ARHGEF5: variants seen among roughly 807,000 people sequenced by gnomAD.
The protein encoded by ARHGEF5 is Rho guanine nucleotide exchange factor (GEF) 5.
In ARHGEF5, 11 loss-of-function variants were observed where a neutral mutation model predicts 104.0. The observed-to-expected ratio is 0.11, with a 90% CI of 0.07 to 0.18. ARHGEF5 has a LOEUF of 0.18. Among genes scored for constraint, ARHGEF5 ranks in the 10% least tolerant of loss-of-function variants. The pLI is 1.00. For missense variants in ARHGEF5, 165 were observed against 1,335.4 expected (o/e 0.12, Z 13.66); for synonymous variants, 60 against 512.2 (o/e 0.12, Z 11.92).
Position 144,363,950 on chromosome 7 carries a change from T to G in ARHGEF5, c.1281T>G (p.Tyr427Ter), listed in dbSNP as rs1156516036. The G allele has an allele frequency of 2.1e-6, 3 of 1,401,106 alleles. No homozygotes were observed. The highest frequency in any genetic ancestry group is 2.4e-5 in the South Asian group (2 of 83,134). 86.8% of individuals were successfully genotyped at this position (1,401,106 alleles called of 1,614,324 possible). A position where few individuals can be genotyped will look rare whatever the true frequency, so the allele number is the denominator to read the frequency against. ...GTGACCTGTTTCCAGGTGCCTCATATCTCATGACTCAGATTCCCGGGACTC... is the reference window on the plus strand; with the variant it reads ...GTGACCTGTTTCCAGGTGCCTCATAGCTCATGACTCAGATTCCCGGGACTC... The part of the protein sequence containing the change: ...PHCDLFPGAS[Y>*]LMTQIPGTQT... Residue 427 changes from tyrosine to a stop codon, truncating the protein, a stop_gained, in exon 2 of 15, where the codon TAT becomes TAG. Transcript: ENST00000056217. LOFTEE classifies it high-confidence loss of function.
At chr7:144,357,623 T>C (rs2053606620) in intron 1 of ARHGEF5, among the ~76,000 whole-genome samples, 2 of 150,558 alleles carry the variant, frequency 1.3e-5, no homozygotes, top group Non-Finnish European at 3.0e-5. Context: ...TATATGGCAC[T>C]GAGTCTCAGT....
Position 144,380,610 on chromosome 7 carries a change from T to C in ARHGEF5, c.*554T>C, listed in dbSNP as rs1170960955. On this transcript the variant is annotated 3_prime_UTR_variant, in exon 15 of 15. Transcript: ENST00000056217. ...TGAGGGTGATACTCTCTCACTCTAA[T>C]AAACTTGGCACTTCTCCGAGTATTT... is the stretch of plus-strand genomic sequence containing the variant. 6.6e-6 allele frequency: 1 copy of C among 152,586 alleles called. No individual in the cohort carries two copies. The highest frequency in any genetic ancestry group is 6.5e-5 in the Admixed American group (1 of 15,330). The allele number at this position is 152,586 out of a possible 1,614,324, so 9.5% of individuals were successfully genotyped here.
intron 14 of ARHGEF5, among the ~76,000 whole-genome samples, 164 bp downstream of exon 14, chr7:144,379,030 C>T (rs1374596714): frequency 6.6e-6 from 1 of 152,178 alleles, no homozygotes; most frequent in African/African-American, 2.4e-5. Context: ...AGTCCCAAAT[C>T]AAGGTGTGGG....
intron 13 of ARHGEF5, among the ~76,000 whole-genome samples, chr7:144,377,618 G>C (rs1456845860): frequency 3.3e-5 from 5 of 152,098 alleles, no homozygotes; most frequent in Non-Finnish European, 7.4e-5. Flanking sequence ...CCAGGCTTCT[G>C]GGTGCCCATG....
intron 1 of ARHGEF5, among the ~76,000 whole-genome samples, chr7:144,358,743 T>TTGTAAGGA: frequency 1.8e-5 from 1 of 56,700 alleles, no homozygotes; most frequent in Non-Finnish European, 3.3e-5. Context: ...TTGCAAGAGT[T>TTGTAAGGA]TGTAAGGATG....
chr7:144,380,235 GT>G lies in ARHGEF5; in HGVS notation c.*180del. On this transcript the variant is annotated 3_prime_UTR_variant, in exon 15 of 15. Coordinates refer to ENST00000056217, the MANE Select transcript of ARHGEF5 (RefSeq NM_005435.4). ...GGCCTCCTTTCGTGCTTTGTGCTTG[GT>G]GGGGGGGATTTCGAGGGACTTTGCA... 1 of 729,728 alleles carries G rather than the reference GT, an allele frequency of 1.4e-6. No homozygotes were observed. Among genetic ancestry groups the G allele is most frequent in the Non-Finnish European group, 2.2e-6 (1 of 463,916 alleles). 45.2% of individuals were successfully genotyped at this position (729,728 alleles called of 1,614,324 possible).
intron 14 of ARHGEF5, among the ~76,000 whole-genome samples, chr7:144,379,507 G>T (rs2053785112): frequency 1.3e-5 from 2 of 152,180 alleles, no homozygotes; most frequent in South Asian, 4.1e-4. Flanking sequence ...ACCACGCCCA[G>T]CCCAAGTTTT....
intron 14 of ARHGEF5, 75 bp from the exon 15 acceptor site, chr7:144,379,824 C>G: frequency 6.3e-7 from 1 of 1,579,484 alleles, no homozygotes. Context: ...TCAGAAAACT[C>G]TCCAGGAAGG....
Position 144,363,352 on chromosome 7 carries a change from A to C in ARHGEF5, c.683A>C (p.Gln228Pro). The change falls in exon 2 of 15, where the codon CAA (glutamine) becomes CCA (proline). Residue 228 changes from glutamine to proline, a missense_variant. By Grantham distance (76) the Gln-to-Pro change is moderately conservative. Coordinates refer to ENST00000056217, the MANE Select transcript of ARHGEF5 (RefSeq NM_005435.4). The part of the protein sequence containing the change: ...SQGLLHPQEV[Q>P]VLEEQGQQEA... ...GGGCTCTTGCATCCCCAGGAGGTCC[A>C]AGTTCTGGAGGAGCAGGGACAGCAG... The C allele has an allele frequency of 6.3e-7, 1 of 1,591,208 alleles. No homozygotes were observed. The highest frequency in any genetic ancestry group is 8.6e-7 in the Non-Finnish European group (1 of 1,163,790).
At position 144,380,291 on chromosome 7, in the gene ARHGEF5, A is replaced by G. The variant is rs1254523999; in HGVS notation, c.*235A>G. The G allele has an allele frequency of 1.5e-5, 7 of 470,378 alleles. No homozygotes were observed. Among genetic ancestry groups the G allele is most frequent in the Admixed American group, 1.0e-4 (3 of 30,070 alleles). 29.1% of individuals were successfully genotyped at this position (470,378 alleles called of 1,614,324 possible). A position where few individuals can be genotyped will look rare whatever the true frequency, so the allele number is the denominator to read the frequency against. ...ACTCTGGGAACCTTTCATCATTAAA[A>G]AAAGGGGGACCATTGGGGCCTGAGC... On this transcript the variant is annotated 3_prime_UTR_variant, in exon 15 of 15. Transcript: ENST00000056217.
intron 1 of ARHGEF5, among the ~76,000 whole-genome samples, chr7:144,360,209 A>C (rs1161533362): frequency 8.3e-6 from 1 of 119,826 alleles, no homozygotes; most frequent in Non-Finnish European, 1.8e-5. Flanking sequence ...GGATCCTCCC[A>C]GGATCCCTCT....
chr7:144,380,059 C>G lies in ARHGEF5; in HGVS notation c.*3C>G. On this transcript the variant is annotated 3_prime_UTR_variant, in exon 15 of 15. Transcript: ENST00000056217. ...AGCTGGTGGAACAGCAAGCCTAAGT[C>G]TTCTCTGAGAGGAGTTTCGTGAGCT... The G allele has an allele frequency of 6.2e-7, 1 of 1,614,132 alleles. No homozygotes were observed. The highest frequency in any genetic ancestry group is 1.7e-5 in the Admixed American group (1 of 60,024).
rs759733893 is a variant in ARHGEF5 at position 144,379,935 on chromosome 7, G to C, written c.4673G>C (p.Arg1558Pro). The change falls in exon 15 of 15, where the codon CGA becomes CCA. Residue 1558 changes from arginine to proline, a missense_variant. Physicochemically the swap from Arg to Pro is moderately radical, Grantham distance 103. Transcript: ENST00000056217. ...GGCGTGAGGCTCTCAGACGGGGAGCGAGGCTGGTTTCCTGTGCAGCAGGTG... is the reference window on the plus strand; with the variant it reads ...GGCGTGAGGCTCTCAGACGGGGAGCCAGGCTGGTTTCCTGTGCAGCAGGTG... Reference protein sequence around the residue: ...LEGVRLSDGERGWFPVQQVEF... With the variant: ...LEGVRLSDGEPGWFPVQQVEF... The C allele has an allele frequency of 6.2e-7, 1 of 1,614,220 alleles. No homozygotes were observed. Among genetic ancestry groups the C allele is most frequent in the Non-Finnish European group, 8.5e-7 (1 of 1,180,046 alleles).
At position 144,379,903 on chromosome 7, in the gene ARHGEF5, G is replaced by T; in HGVS notation, c.4641G>T (p.Trp1547Cys). The T allele has an allele frequency of 6.2e-7, 1 of 1,614,138 alleles. No homozygotes were observed. The highest frequency in any genetic ancestry group is 8.5e-7 in the Non-Finnish European group (1 of 1,180,014). Residue 1547 changes from tryptophan (W) to cysteine (C), a missense_variant, in exon 15 of 15, where the codon TGG (tryptophan) becomes TGT (cysteine). Trp to Cys is a radical substitution (Grantham distance 215). Transcript: ENST00000056217. ...VMVTQQSSDG[W>C]LEGVRLSDGE... Reference sequence around the variant, plus strand: ...CCACTCACCCTGTGCCCACAGGCTGGCTGGAGGGCGTGAGGCTCTCAGACG... The same window carrying T: ...CCACTCACCCTGTGCCCACAGGCTGTCTGGAGGGCGTGAGGCTCTCAGACG...
At chr7:144,378,700 C>G (rs2053778936) in intron 13 of ARHGEF5, 62 bp from the exon 14 acceptor site, 1 of 1,440,764 alleles carries the variant, frequency 6.9e-7, no homozygotes, top group Admixed American at 1.8e-5. Flanking sequence ...CCCTCCAAGT[C>G]CCTGTCTGTG....
chr7:144,361,242 GAAAAGAAAA>G (rs1563114792), intron 1 of ARHGEF5, among the ~76,000 whole-genome samples: 2 of 9,480 alleles, frequency 2.1e-4, no homozygotes, highest in Admixed American at 1.3e-3. Flanking sequence ...AAAAAAAAAA[GAAAAGAAAA>G]AAAAAAAAAG....
intron 1 of ARHGEF5, among the ~76,000 whole-genome samples, chr7:144,357,478 TCAAA>T (rs1219257375): frequency 6.9e-6 from 1 of 144,854 alleles, no homozygotes; most frequent in Non-Finnish European, 1.5e-5. Context: ...GGCAGTGATG[TCAAA>T]CAGTGAATAA....
rs1404173093 is a variant in ARHGEF5, at chr7:144,370,619, T to A, written c.3532-542T>A. ...TAGCTGGGACTACATGTGCACGCCATCACATCCGGCTAATTTTTGTATTTT... is the reference window on the plus strand; with the variant it reads ...TAGCTGGGACTACATGTGCACGCCAACACATCCGGCTAATTTTTGTATTTT... On this transcript the variant is annotated intron_variant, in intron 5 of 14. Transcript: ENST00000056217. Among the ~76,000 whole-genome samples the A allele has an allele frequency of 1.4e-4, 21 of 150,154 alleles. No individual in the cohort carries two copies. In the East Asian group the frequency reaches 3.9e-3, roughly 28 times the overall value.
intron 13 of ARHGEF5, among the ~76,000 whole-genome samples, chr7:144,378,411 A>G (rs757994935): frequency 2.0e-5 from 3 of 152,176 alleles, no homozygotes; most frequent in Non-Finnish European, 4.4e-5. Flanking sequence ...TAAGGGATAA[A>G]TGCCTTGGCA....
Sources: allele counts gnomAD v4.1 joint callset (sites outside exome capture counted in the v4.1 genomes callset), GRCh38; gene constraint gnomAD v4.1.1; transcripts MANE v1.5; gene names NCBI Gene and HGNC (gene_info 2026-07-23, HGNC 2026-07-21).